SNAP91: variants seen among roughly 807,000 people sequenced by gnomAD.
The protein encoded by SNAP91 is clathrin coat assembly protein AP180.
Under a neutral mutation model 100.3 loss-of-function variants are expected in SNAP91, and 27 were observed. The ratio of observed to expected loss-of-function variants is 0.27; its 90% CI spans 0.20 to 0.37. The LOEUF (loss-of-function observed/expected upper bound fraction) is 0.37, where lower values mean the gene tolerates loss of function less well. Ranked by LOEUF, SNAP91 falls within the 10% of genes least tolerant of loss-of-function variation. The pLI, the probability that SNAP91 is intolerant of heterozygous loss-of-function variation, is 1.00. For missense variants in SNAP91, 986 were observed against 1,123.7 expected (o/e 0.88, Z 1.75); for synonymous variants, 404 against 398.6 (o/e 1.01, Z -0.16).
At chr6:83,585,541 A>AAAAAC (rs375024214) in intron 22 of SNAP91, among the ~76,000 whole-genome samples, 1,808 of 147,768 alleles carry the variant, frequency 0.012, 37 homozygotes, top group African/African-American at 0.036. Context: ...AAAAAAAAAA[A>AAAAAC]AAAAAGAAAG....
At chr6:83,577,397 A>G (rs1820685436) in intron 24 of SNAP91, among the ~76,000 whole-genome samples, 1 of 152,210 alleles carries the variant, frequency 6.6e-6, no homozygotes, top group South Asian at 2.1e-4. Flanking sequence ...TTTCAATTAG[A>G]CTATAAAACT....
At chr6:83,565,220 C>T (rs550087636) in intron 26 of SNAP91, among the ~76,000 whole-genome samples, 2 of 151,966 alleles carry the variant, frequency 1.3e-5, no homozygotes, top group African/African-American at 2.4e-5. Context: ...CTATTTGGAA[C>T]ATAAATTTAC....
intron 2 of SNAP91, among the ~76,000 whole-genome samples, chr6:83,697,731 T>A (rs2099237957): frequency 6.6e-6 from 1 of 152,186 alleles, no homozygotes; most frequent in Admixed American, 6.5e-5. Flanking sequence ...GAATTGAGTT[T>A]AACTCCTTGC....
At chr6:83,559,124 G>A (rs899192976) in intron 28 of SNAP91, among the ~76,000 whole-genome samples, 2 of 152,120 alleles carry the variant, frequency 1.3e-5, no homozygotes, top group Non-Finnish European at 2.9e-5. Flanking sequence ...TGGGCTCTGG[G>A]AACAACACCT....
chr6:83,678,326 T>G (rs2098938426), intron 2 of SNAP91, among the ~76,000 whole-genome samples: 1 of 152,092 alleles, frequency 6.6e-6, no homozygotes, highest in Non-Finnish European at 1.5e-5. Flanking sequence ...ACCCTCATGC[T>G]CTAACCACAA....
chr6:83,623,554 A>G (rs770040361), intron 8 of SNAP91, among the ~76,000 whole-genome samples: 1 of 152,166 alleles, frequency 6.6e-6, no homozygotes, highest in Non-Finnish European at 1.5e-5. Flanking sequence ...TAGACATAAC[A>G]AATGTATAGA....
chr6:83,704,682 C>T (rs2099356832), intron 2 of SNAP91, among the ~76,000 whole-genome samples: 1 of 146,280 alleles, frequency 6.8e-6, no homozygotes, highest in South Asian at 2.2e-4. Context: ...CCCAATTAAT[C>T]CAATACCTTT....
At chr6:83,580,422 G>GAAAAA in intron 24 of SNAP91, 28 bp downstream of exon 24, 2 of 368,344 alleles carry the variant, frequency 5.4e-6, no homozygotes, top group Non-Finnish European at 6.1e-6. Context: ...TTCAGTTAAA[G>GAAAAA]AAAAAAAAAA....
intron 16 of SNAP91, among the ~76,000 whole-genome samples, chr6:83,599,318 T>G (rs2094889673): frequency 6.6e-6 from 1 of 152,190 alleles, no homozygotes; most frequent in Admixed American, 6.5e-5. Context: ...ATAAGTGGAC[T>G]GGAAACAAAA....
intron 2 of SNAP91, among the ~76,000 whole-genome samples, chr6:83,673,998 C>T (rs2098824975): frequency 6.6e-6 from 1 of 152,182 alleles, no homozygotes; most frequent in South Asian, 2.1e-4. Flanking sequence ...CAGACTTCAT[C>T]TATAAGTTGA....
chr6:83,686,119 T>C, intron 2 of SNAP91: 3 of 972,062 alleles, frequency 3.1e-6, no homozygotes, highest in African/African-American at 1.8e-5. Context: ...GAACATACTC[T>C]GCTTTTACCT....
At chr6:83,658,027 C>T (rs1253867384) in intron 6 of SNAP91, among the ~76,000 whole-genome samples, 3 of 150,714 alleles carry the variant, frequency 2.0e-5, no homozygotes, top group African/African-American at 7.3e-5. Context: ...AAGTGATCTG[C>T]CTGCTTTGGC....
chr6:83,614,403 A>G (rs1476362527), intron 11 of SNAP91, among the ~76,000 whole-genome samples: 1 of 152,158 alleles, frequency 6.6e-6, no homozygotes, highest in Non-Finnish European at 1.5e-5. Context: ...CATAGCAGAC[A>G]TTTGCAAATG....
chr6:83,580,616 C>A lies in SNAP91; in HGVS notation c.2150-17G>T. 2 of 1,591,824 alleles carry A rather than the reference C, an allele frequency of 1.3e-6. No homozygotes were observed. Among genetic ancestry groups the A allele is most frequent in the Non-Finnish European group, 1.7e-6 (2 of 1,171,058 alleles). On this transcript the variant is annotated splice_polypyrimidine_tract_variant and intron_variant, in intron 23 of 29. Transcript: ENST00000369694. ...CATCAAACACTGGAAATCAAATAGACTAGGTTCAGAATAATTGAAAACAAA... is the reference window on the plus strand; with the variant it reads ...CATCAAACACTGGAAATCAAATAGAATAGGTTCAGAATAATTGAAAACAAA...
chr6:83,707,990 A>C, intron 1 of SNAP91, 33 bp from the exon 2 acceptor site: 2 of 1,505,254 alleles, frequency 1.3e-6, no homozygotes, highest in Non-Finnish European at 1.8e-6. Context: ...GTCCGGCTTT[A>C]ATCCGCAGAC....
chr6:83,695,276 C>CAAAAAAAAAAAAAAAAAAAAAAAAA (rs56103542), intron 2 of SNAP91, among the ~76,000 whole-genome samples: 1 of 67,318 alleles, frequency 1.5e-5, no homozygotes, highest in Non-Finnish European at 2.5e-5. Context: ...GGCTCCATCT[C>CAAAAAAAAAAAAAAAAAAAAAAAAA]AAAAAAAAAA....
chr6:83,597,781 T>C (rs1450279334), intron 16 of SNAP91, among the ~76,000 whole-genome samples: 1 of 152,250 alleles, frequency 6.6e-6, no homozygotes, highest in Non-Finnish European at 1.5e-5. Context: ...AGGTTCCAAT[T>C]GTTCTCAACA....
At chr6:83,696,051 G>T (rs1490120987) in intron 2 of SNAP91, among the ~76,000 whole-genome samples, 2 of 152,096 alleles carry the variant, frequency 1.3e-5, no homozygotes, top group East Asian at 1.9e-4. Flanking sequence ...AACTTCCATG[G>T]GTACAGTCAT....
chr6:83,657,267 C>T (rs1163864394), intron 6 of SNAP91, among the ~76,000 whole-genome samples: 1 of 152,128 alleles, frequency 6.6e-6, no homozygotes, highest in Non-Finnish European at 1.5e-5. Flanking sequence ...TGTGGAAGAA[C>T]AGCATGGGGA....
Sources: allele counts gnomAD v4.1 joint callset (sites outside exome capture counted in the v4.1 genomes callset), GRCh38; gene constraint gnomAD v4.1.1; transcripts MANE v1.5; gene names NCBI Gene and HGNC (gene_info 2026-07-23, HGNC 2026-07-21).